Variants in WDR25 observed in about 807,000 individuals in gnomAD.
WDR25 encodes the protein WD repeat domain 25, also known as WD repeat-containing protein 25.
Under a neutral mutation model 47.7 loss-of-function variants are expected in WDR25, and 35 were observed. That is an observed-to-expected ratio of 0.73 (90% CI 0.56 to 0.97). WDR25 has a LOEUF of 0.97. Among genes scored for constraint, WDR25 ranks in the 50% least tolerant of loss-of-function variants. The pLI, the probability that WDR25 is intolerant of heterozygous loss-of-function variation, is 0.00. For missense variants in WDR25, 634 were observed against 704.7 expected (o/e 0.90, Z 1.14); for synonymous variants, 248 against 278.9 (o/e 0.89, Z 1.10).
At chr14:100,463,074 G>C (rs1359099975) in intron 2 of WDR25, among the ~76,000 whole-genome samples, 2 of 133,442 alleles carry the variant, frequency 1.5e-5, no homozygotes, top group Non-Finnish European at 3.1e-5. Flanking sequence ...CTCTCCCCCT[G>C]CTCCTTCCTT....
chr14:100,417,860 G>C (rs181324272), intron 2 of WDR25, among the ~76,000 whole-genome samples: 1 of 152,050 alleles, frequency 6.6e-6, no homozygotes, highest in Admixed American at 6.6e-5. Context: ...TGCTGCCCCT[G>C]TTCCTCCTGC....
chr14:100,379,470 C>T (rs1345882244), intron 1 of WDR25, among the ~76,000 whole-genome samples: 1 of 150,608 alleles, frequency 6.6e-6, no homozygotes, highest in East Asian at 1.9e-4. Flanking sequence ...TCACTGCAAC[C>T]TCCACCTCCC....
At chr14:100,450,672 G>A (rs1365910920) in intron 2 of WDR25, among the ~76,000 whole-genome samples, 1 of 152,206 alleles carries the variant, frequency 6.6e-6, no homozygotes, top group Non-Finnish European at 1.5e-5. Context: ...GCACATGAAT[G>A]TGGAAAGTGA....
intron 3 of WDR25, among the ~76,000 whole-genome samples, chr14:100,479,252 A>G (rs1900121580): frequency 6.6e-6 from 1 of 152,146 alleles, no homozygotes. Flanking sequence ...ATGGAGACCA[A>G]GGGGACAGCC....
At chr14:100,514,178 C>T (rs962175254) in intron 4 of WDR25, among the ~76,000 whole-genome samples, 6 of 151,964 alleles carry the variant, frequency 3.9e-5, no homozygotes, top group East Asian at 1.9e-4. Context: ...CCTCGTGATC[C>T]GCCCGCCTCG....
chr14:100,453,622 G>A lies in WDR25; in HGVS notation c.823-14399G>A, dbSNP rs1260087777. On this transcript the variant is annotated intron_variant, in intron 2 of 6. Transcript: ENST00000402312. ...GTTCCAGATTATGATGCTTTCAAAAGGTGCACTGGCTCCTCCTGAGACCAT... is the reference window on the plus strand; with the variant it reads ...GTTCCAGATTATGATGCTTTCAAAAAGTGCACTGGCTCCTCCTGAGACCAT... Among the ~76,000 whole-genome samples the A allele has an allele frequency of 2.0e-5, 3 of 152,292 alleles. No individual in the cohort carries two copies. The East Asian group carries it at 5.8e-4, about 29-fold the overall frequency.
intron 2 of WDR25, among the ~76,000 whole-genome samples, chr14:100,410,036 C>T (rs1351994114): frequency 2.6e-5 from 4 of 152,276 alleles, no homozygotes; most frequent in African/African-American, 9.6e-5. Flanking sequence ...TCAGTAGCCA[C>T]AAAAGTTTAC....
intron 2 of WDR25, among the ~76,000 whole-genome samples, chr14:100,423,091 G>T (rs1157413048): frequency 6.6e-6 from 1 of 152,108 alleles, no homozygotes; most frequent in Non-Finnish European, 1.5e-5. Flanking sequence ...TCTATAATTT[G>T]CCCAATTTAA....
intron 1 of WDR25, among the ~76,000 whole-genome samples, chr14:100,380,500 T>TC (rs1491177943): frequency 1.9e-5 from 1 of 54,030 alleles, no homozygotes; most frequent in Non-Finnish European, 5.7e-5. Context: ...TTTTTCTTTC[T>TC]TTTTTTTTTT....
chr14:100,480,655 A>C (rs1449852807), intron 3 of WDR25, among the ~76,000 whole-genome samples: 1 of 152,182 alleles, frequency 6.6e-6, no homozygotes, highest in East Asian at 1.9e-4. Flanking sequence ...AAAATCTTGA[A>C]TATCTTCACC....
chr14:100,432,871 A>G (rs1898381293), intron 2 of WDR25, among the ~76,000 whole-genome samples: 1 of 152,234 alleles, frequency 6.6e-6, no homozygotes, highest in Non-Finnish European at 1.5e-5. Flanking sequence ...GGTACAGCCT[A>G]CTACACACCC....
At chr14:100,417,926 G>T (rs1292555563) in intron 2 of WDR25, among the ~76,000 whole-genome samples, 4 of 151,394 alleles carry the variant, frequency 2.6e-5, no homozygotes, top group African/African-American at 7.3e-5. Flanking sequence ...CATGAAGGTT[G>T]TTCTTAGTTT....
chr14:100,416,498 C>G (rs1458802503), intron 2 of WDR25, among the ~76,000 whole-genome samples: 2 of 152,176 alleles, frequency 1.3e-5, no homozygotes, highest in Non-Finnish European at 2.9e-5. Context: ...CTGCTGTGTG[C>G]CTTGAATTCT....
At chr14:100,479,843 A>G (rs937255444) in intron 3 of WDR25, among the ~76,000 whole-genome samples, 1 of 152,178 alleles carries the variant, frequency 6.6e-6, no homozygotes, top group Non-Finnish European at 1.5e-5. Context: ...CAGCAGCAGC[A>G]TCAGATTCTC....
At chr14:100,383,856 A>G (rs996284304) in intron 2 of WDR25, among the ~76,000 whole-genome samples, 6 of 152,248 alleles carry the variant, frequency 3.9e-5, no homozygotes, top group East Asian at 3.8e-4. Context: ...GTGACACCTC[A>G]TGACCAGAAG....
intron 4 of WDR25, among the ~76,000 whole-genome samples, chr14:100,493,386 T>A (rs1900627106): frequency 6.6e-6 from 1 of 152,270 alleles, no homozygotes; most frequent in South Asian, 2.1e-4. Context: ...GTAACTGGCT[T>A]CTTTCGCTTA....
Position 100,420,775 on chromosome 14 carries a change from C to T in WDR25, c.822+39029C>T, listed in dbSNP as rs76784821. ...GCTGCAGATAACAGGAAACCCAACT[C>T]GAGTGGCTTCAACAGGTGGAGAGAG... On this transcript the variant is annotated intron_variant, in intron 2 of 6. Coordinates refer to ENST00000402312, the MANE Select transcript of WDR25 (RefSeq NM_001161476.3). Among the ~76,000 whole-genome samples, 1,200 of 152,240 alleles carry T rather than the reference C, an allele frequency of 7.9e-3. 23 individuals carry two copies. The highest frequency in any genetic ancestry group is 0.027 in the African/African-American group (1,137 of 41,536).
chr14:100,459,919 TATATATATATATATATATATAC>T (rs1899336598), intron 2 of WDR25, among the ~76,000 whole-genome samples: 1 of 103,158 alleles, frequency 9.7e-6, no homozygotes, highest in South Asian at 3.0e-4. Context: ...TATATATATA[TATATATATATATATATATATAC>T]ACATACACAT....
At chr14:100,415,399 C>T (rs1398641870) in intron 2 of WDR25, among the ~76,000 whole-genome samples, 1 of 152,154 alleles carries the variant, frequency 6.6e-6, no homozygotes, top group Non-Finnish European at 1.5e-5. Flanking sequence ...TGCACAGTAC[C>T]TGCACAATTC....
Sources: gnomAD v4.1 joint callset for allele counts (sites outside exome capture counted in the v4.1 genomes callset) on GRCh38, gnomAD v4.1.1 for gene constraint, MANE v1.5 for transcripts, NCBI Gene and HGNC (gene_info 2026-07-23, HGNC 2026-07-21) for gene names.